VPS13A: variants seen among roughly 807,000 people sequenced by gnomAD.
The protein encoded by VPS13A is vacuolar protein sorting 13 homolog A.
Under a neutral mutation model 390.9 loss-of-function variants are expected in VPS13A, and 264 were observed. The observed-to-expected ratio is 0.68, with a 90% CI of 0.61 to 0.75. The LOEUF (loss-of-function observed/expected upper bound fraction) is 0.75, where lower values mean the gene tolerates loss of function less well. VPS13A is among the 30% of genes least tolerant of loss of function. The probability of loss-of-function intolerance (pLI) is 0.00; values close to 1 mark genes in which losing one functional copy is unlikely to be tolerated. For missense variants in VPS13A, 3,409 were observed against 3,733.9 expected, an observed-to-expected ratio of 0.91 and a Z score of 2.27; for synonymous variants, 1,231 against 1,227.1, an observed-to-expected ratio of 1.00 and a Z score of -0.07.
At chr9:77,275,474 T>G (rs564615343) in intron 24 of VPS13A, 24 bp from the exon 25 acceptor site, 1 of 1,609,284 alleles carries the variant, frequency 6.2e-7, no homozygotes, top group Non-Finnish European at 8.5e-7. Context: ...ATTATTGACT[T>G]AAATAATGTT....
rs1833839997 is a variant in VPS13A, at chr9:77,389,984, T to C, written c.9189+7897T>C. On this transcript the variant is annotated intron_variant, in intron 68 of 71. Transcript: ENST00000360280. ...GATGTTTATAATTAGCTTCAAACAC[T>C]GCCTTAATAGCAATTGGAAGATAAC... is the stretch of plus-strand genomic sequence containing the variant. 3 of 589,492 alleles carry C rather than the reference T, an allele frequency of 5.1e-6. No homozygotes were observed. The Admixed American group carries it at 1.9e-4, about 37-fold the overall frequency. 36.5% of individuals were successfully genotyped at this position (589,492 alleles called of 1,614,324 possible).
Position 77,238,006 on chromosome 9 carries a change from GA to G in VPS13A, c.1603del (p.Thr535LeufsTer3), listed in dbSNP as rs1194990880. ...TTTCTTTTTTTTTTAATGCAGATTT[GA>G]AACTAAAATAGATTCATTTCATATT... Reference protein sequence around the residue: ...QRPGAQAIKFETKIDSFHITG... With the variant: ...QRPGAQAIKFXTKIDSFHITG... On this transcript the variant is annotated frameshift_variant, in exon 18 of 72. Coordinates refer to ENST00000360280, the MANE Select transcript of VPS13A (RefSeq NM_033305.3). LOFTEE classifies it high-confidence loss of function. 6.3e-7 allele frequency: 1 copy of G among 1,591,890 alleles called. No individual in the cohort carries two copies. Among genetic ancestry groups the G allele is most frequent in the East Asian group, 2.2e-5 (1 of 44,554 alleles).
At chr9:77,196,841 C>CT (rs1825034543) in intron 1 of VPS13A, among the ~76,000 whole-genome samples, 2 of 152,052 alleles carry the variant, frequency 1.3e-5, no homozygotes, top group African/African-American at 4.8e-5. Context: ...GATTTCATTT[C>CT]TTTGGGATAT....
intron 26 of VPS13A, 78 bp from the exon 27 acceptor site, chr9:77,280,081 C>T (rs1165683034): frequency 8.9e-7 from 1 of 1,128,618 alleles, no homozygotes; most frequent in Admixed American, 2.0e-5. Context: ...TTTGCAATTA[C>T]ATAATTAATA....
rs774310931 is a variant in VPS13A, at chr9:77,370,254, T to C, written c.8668-3T>C. The C allele has an allele frequency of 1.9e-6, 3 of 1,614,044 alleles. No individual in the cohort carries two copies. Among genetic ancestry groups the C allele is most frequent in the Non-Finnish European group, 1.7e-6 (2 of 1,179,950 alleles). ...CTCATTTATTTACTATTTGGCCCTT[T>C]AGGGAGCCATCCAGGGTCCTGAAGA... On this transcript the variant is annotated splice_polypyrimidine_tract_variant and splice_region_variant and intron_variant, in intron 63 of 71. Transcript: ENST00000360280.
chr9:77,265,957 A>G (rs771065787), intron 23 of VPS13A, among the ~76,000 whole-genome samples: 1 of 152,190 alleles, frequency 6.6e-6, no homozygotes, highest in Non-Finnish European at 1.5e-5. Flanking sequence ...ATTTTCCTCT[A>G]AACACTGCTT....
Position 77,366,755 on chromosome 9 carries a change from G to A in VPS13A, c.8354G>A (p.Gly2785Asp), listed in dbSNP as rs1832454132. The A allele has an allele frequency of 6.2e-7, 1 of 1,612,616 alleles. No homozygotes were observed. Among genetic ancestry groups the A allele is most frequent in the South Asian group, 1.1e-5 (1 of 90,910 alleles). The change falls in exon 61 of 72, where the codon GGC becomes GAC. Residue 2785 changes from glycine (G) to aspartate (D), a missense_variant. Gly to Asp is a moderately conservative substitution (Grantham distance 94, BLOSUM62 -1). Coordinates refer to ENST00000360280, the MANE Select transcript of VPS13A (RefSeq NM_033305.3). ...KLHLSVSLSS[G>D]REEAKDSKQN... Reference sequence around the variant, plus strand: ...CATTTAAGTGTTTCACTGAGTTCCGGCAGAGAAGAAGCTAAAGATTCAAAA... The same window carrying A: ...CATTTAAGTGTTTCACTGAGTTCCGACAGAGAAGAAGCTAAAGATTCAAAA...
rs1387230191 is a variant in VPS13A at position 77,314,366 on chromosome 9, A to G, written c.4243-129A>G. On this transcript the variant is annotated intron_variant, in intron 36 of 71. Transcript: ENST00000360280. Reference sequence around the variant, plus strand: ...ATGTATATATTTTTAGCCTTTCATTAGAGCCCTTCGGAGACAGAATTTTGA... The same window carrying G: ...ATGTATATATTTTTAGCCTTTCATTGGAGCCCTTCGGAGACAGAATTTTGA... 9 of 1,044,480 alleles carry G rather than the reference A, an allele frequency of 8.6e-6. No individual in the cohort carries two copies. The East Asian group carries it at 2.2e-4, about 26-fold the overall frequency. The allele number at this position is 1,044,480 out of a possible 1,614,324, so 64.7% of individuals were successfully genotyped here. A position where few individuals can be genotyped will look rare whatever the true frequency, so the allele number is the denominator to read the frequency against.
At chr9:77,344,732 C>G (rs1419644214) in intron 51 of VPS13A, among the ~76,000 whole-genome samples, 2 of 151,142 alleles carry the variant, frequency 1.3e-5, no homozygotes, top group African/African-American at 2.4e-5. Flanking sequence ...GCACTCCAGC[C>G]TAGGCGACAG....
chr9:77,188,715 G>T (rs1021369356), intron 1 of VPS13A, among the ~76,000 whole-genome samples: 1 of 152,174 alleles, frequency 6.6e-6, no homozygotes, highest in Non-Finnish European at 1.5e-5. Context: ...GCATTCCAAA[G>T]TGGCTGAACT....
At chr9:77,187,388 A>G (rs772096621) in intron 1 of VPS13A, among the ~76,000 whole-genome samples, 1 of 152,136 alleles carries the variant, frequency 6.6e-6, no homozygotes, top group Non-Finnish European at 1.5e-5. Context: ...ATCCTCACCA[A>G]CATTTATTTT....
At position 77,359,419 on chromosome 9, in the gene VPS13A, A is replaced by G. The variant is rs1368626557; in HGVS notation, c.8105+17A>G. 2 of 1,574,952 alleles carry G rather than the reference A, an allele frequency of 1.3e-6. No homozygotes were observed. The highest frequency in any genetic ancestry group is 1.7e-6 in the Non-Finnish European group (2 of 1,146,550). ...ACGTATTAAGTAAGTGTCTTAATAC[A>G]TTTCTTGTATATTTATTTAATGTTT... On this transcript the variant is annotated intron_variant, in intron 58 of 71. Transcript: ENST00000360280.
intron 29 of VPS13A, among the ~76,000 whole-genome samples, chr9:77,283,115 C>T (rs376425284): frequency 6.6e-6 from 1 of 152,046 alleles, no homozygotes; most frequent in African/African-American, 2.4e-5. Flanking sequence ...GTTTTAGTTT[C>T]AAATGTTTAG....
rs769647678 is a variant in VPS13A, at chr9:77,358,375, G to C, written c.7972G>C (p.Gly2658Arg). The C allele has an allele frequency of 6.2e-7, 1 of 1,613,176 alleles. No homozygotes were observed. ...YRIQIQNQIH[G>R]AVFPFVFYPV... ...TTCTTAGATCCAAAATCAGATACAT[G>C]GTGCTGTATTTCCCTTTGTGTTTTA... is the stretch of plus-strand genomic sequence containing the variant. The change falls in exon 57 of 72, where the codon GGT (glycine) becomes CGT (arginine). Residue 2658 changes from glycine to arginine, a missense_variant. Around this residue, in one of 5 missense-constraint regions of VPS13A, gnomAD observed 221 missense variants for 300.7 expected, o/e 0.73. Transcript: ENST00000360280.
At chr9:77,351,495 G>T (rs1433149713) in intron 53 of VPS13A, 49 bp downstream of exon 53, 1 of 1,602,572 alleles carries the variant, frequency 6.2e-7, no homozygotes, top group Admixed American at 1.7e-5. Flanking sequence ...TTTAAAAAAG[G>T]TATTTGGGCC....
At position 77,416,923 on chromosome 9, in the gene VPS13A, C is replaced by A. The variant is rs1392511461; in HGVS notation, c.*917C>A. On this transcript the variant is annotated 3_prime_UTR_variant, in exon 72 of 72. Transcript: ENST00000360280. ...TCCCTCTCATATAAAGTTTATGTAC[C>A]CTAAAATCTAACCCAATAACCTGTC... 6.6e-6 allele frequency: 1 copy of A among 152,516 alleles called. No individual in the cohort carries two copies. Among genetic ancestry groups the A allele is most frequent in the East Asian group, 1.9e-4 (1 of 5,204 alleles). The allele number at this position is 152,516 out of a possible 1,614,324, so 9.4% of individuals were successfully genotyped here.
At chr9:77,283,272 A>C in intron 29 of VPS13A, 83 bp from the exon 30 acceptor site, 5 of 802,484 alleles carry the variant, frequency 6.2e-6, no homozygotes, top group Non-Finnish European at 8.4e-6. Flanking sequence ...ATTTGTGGTG[A>C]TATTTCAGTT....
At position 77,399,191 on chromosome 9, in the gene VPS13A, A is replaced by AT. The variant is rs1563990859; in HGVS notation, c.9190-4045_9190-4044insT. Among the ~76,000 whole-genome samples, 104 of 144,532 alleles carry AT rather than the reference A, an allele frequency of 7.2e-4. 2 individuals carry two copies. In the East Asian group the frequency reaches 0.019, roughly 26 times the overall value. The allele number at this position is 144,532 out of a possible 152,430, so 94.8% of individuals were successfully genotyped here. On this transcript the variant is annotated intron_variant, in intron 68 of 71. Coordinates refer to ENST00000360280, the MANE Select transcript of VPS13A (RefSeq NM_033305.3). Reference sequence around the variant, plus strand: ...ATAAAAAAAAAAAAATAAAAAAAAAAAAAAAAAAAAAAAACAAAGGATACG... The same window carrying AT: ...ATAAAAAAAAAAAAATAAAAAAAAAATAAAAAAAAAAAAAACAAAGGATACG...
intron 23 of VPS13A, among the ~76,000 whole-genome samples, chr9:77,269,654 ATCTCTCC>A (rs1826239731): frequency 6.6e-6 from 1 of 152,212 alleles, no homozygotes; most frequent in Non-Finnish European, 1.5e-5. Context: ...AACATGGTAT[ATCTCTCC>A]ATTTGCTTAG....
Sources: allele counts gnomAD v4.1 joint callset (sites outside exome capture counted in the v4.1 genomes callset), GRCh38; gene constraint gnomAD v4.1.1; regional missense constraint gnomAD v4.1.1; transcripts MANE v1.5; gene names NCBI Gene and HGNC (gene_info 2026-07-23, HGNC 2026-07-21).